The following SGCD variants were observed in gnomAD, a reference collection of about 807,000 sequenced individuals.
SGCD encodes the protein sarcoglycan delta.
A neutral mutation model predicts 36.6 loss-of-function variants in SGCD; 18 were observed. The ratio of observed to expected loss-of-function variants is 0.49; its 90% CI spans 0.34 to 0.73. The LOEUF (loss-of-function observed/expected upper bound fraction) is 0.73, where lower values mean the gene tolerates loss of function less well. Among genes scored for constraint, SGCD ranks in the 30% least tolerant of loss-of-function variants. SGCD has a pLI of 0.01. For synonymous variants in SGCD, 133 were observed against 130.6 expected (o/e 1.02, Z -0.12); for missense variants, 387 against 346.7 (o/e 1.12, Z -0.92).
chr5:156,231,947 T>A (rs369773171), intron 3 of SGCD, among the ~76,000 whole-genome samples: 28 of 152,334 alleles, frequency 1.8e-4, no homozygotes, highest in Middle Eastern at 6.8e-3. Context: ...ATGAGTCAAC[T>A]AAGACAGCTT....
the SGCD span, among the ~76,000 whole-genome samples, chr5:155,730,445 C>G: frequency 7.3e-6 from 1 of 137,196 alleles, no homozygotes; most frequent in African/African-American, 2.8e-5. Flanking sequence ...GGTAGAGCAG[C>G]TGTGTGTGTG....
intron 2 of SGCD, among the ~76,000 whole-genome samples, chr5:156,123,365 G>A (rs1004841107): frequency 6.6e-6 from 1 of 152,074 alleles, no homozygotes; most frequent in East Asian, 1.9e-4. Flanking sequence ...AATAGAGGTA[G>A]CCAAGATGGA....
the SGCD span, among the ~76,000 whole-genome samples, chr5:155,832,228 C>T: frequency 1.3e-5 from 2 of 152,208 alleles, no homozygotes; most frequent in East Asian, 1.9e-4. Context: ...TTATGAGTGG[C>T]GAGTGGCAGG....
intron 1 of SGCD, among the ~76,000 whole-genome samples, chr5:155,885,949 T>C (rs920887136): frequency 6.6e-6 from 1 of 152,200 alleles, no homozygotes; most frequent in Non-Finnish European, 1.5e-5. Flanking sequence ...CGTAAACTAG[T>C]AGGCACACTT....
At chr5:156,530,487 A>C (rs1333709629) in intron 4 of SGCD, among the ~76,000 whole-genome samples, 1 of 152,026 alleles carries the variant, frequency 6.6e-6, no homozygotes, top group East Asian at 1.9e-4. Context: ...CATTCTCAAT[A>C]GTTTTTTGTA....
chr5:156,142,795 A>G (rs753659281), intron 3 of SGCD, among the ~76,000 whole-genome samples: 1 of 152,222 alleles, frequency 6.6e-6, no homozygotes, highest in Non-Finnish European at 1.5e-5. Context: ...TGTATGAGCA[A>G]ATAAATGACC....
At chr5:156,621,356 C>A (rs1762239018) in intron 6 of SGCD, among the ~76,000 whole-genome samples, 1 of 152,112 alleles carries the variant, frequency 6.6e-6, no homozygotes. Flanking sequence ...CCATGCCCAG[C>A]TAATTTTTGT....
intron 1 of SGCD, among the ~76,000 whole-genome samples, chr5:155,936,846 T>C (rs1757214527): frequency 6.6e-6 from 1 of 152,084 alleles, no homozygotes; most frequent in Non-Finnish European, 1.5e-5. Flanking sequence ...CCCCACTCAC[T>C]CAGTCTCCCT....
chr5:156,625,787 C>A (rs1762417920), intron 6 of SGCD, among the ~76,000 whole-genome samples: 1 of 152,110 alleles, frequency 6.6e-6, no homozygotes, highest in Non-Finnish European at 1.5e-5. Context: ...GATTGTAAGC[C>A]CTGACATATG....
chr5:156,216,390 G>A (rs1438356959), intron 3 of SGCD, among the ~76,000 whole-genome samples: 3 of 152,268 alleles, frequency 2.0e-5, no homozygotes, highest in South Asian at 2.1e-4. Flanking sequence ...CCATTCCACG[G>A]TGTATACATA....
intron 4 of SGCD, among the ~76,000 whole-genome samples, chr5:156,515,720 A>T (rs1462238560): frequency 2.6e-5 from 4 of 152,238 alleles, no homozygotes; most frequent in Non-Finnish European, 5.9e-5. Flanking sequence ...GCAGACTCTC[A>T]GCAGCTGCTC....
intron 3 of SGCD, among the ~76,000 whole-genome samples, chr5:156,472,127 G>A (rs1754998898): frequency 6.6e-6 from 1 of 152,164 alleles, no homozygotes; most frequent in Non-Finnish European, 1.5e-5. Context: ...AGGATATGAA[G>A]TAACTGAAAC....
intron 3 of SGCD, among the ~76,000 whole-genome samples, chr5:156,431,388 T>G (rs1753004394): frequency 6.6e-6 from 1 of 152,160 alleles, no homozygotes; most frequent in Non-Finnish European, 1.5e-5. Flanking sequence ...TGTCTGTAGG[T>G]GCATCCATGC....
intron 4 of SGCD, among the ~76,000 whole-genome samples, chr5:156,585,042 G>C (rs1236149899): frequency 1.3e-5 from 2 of 152,142 alleles, no homozygotes; most frequent in Non-Finnish European, 2.9e-5. Flanking sequence ...AAATCATTGA[G>C]AGAAAACAGC....
chr5:155,856,877 C>T, the SGCD span, among the ~76,000 whole-genome samples: 1 of 152,220 alleles, frequency 6.6e-6, no homozygotes, highest in Non-Finnish European at 1.5e-5. Flanking sequence ...AGCAACATGA[C>T]TCTCATACAT....
chr5:155,871,696 G>A (rs542678605), intron 1 of SGCD, among the ~76,000 whole-genome samples: 2 of 152,192 alleles, frequency 1.3e-5, no homozygotes, highest in East Asian at 1.9e-4. Flanking sequence ...GAAATGTGAG[G>A]GAATTGAGCA....
intron 1 of SGCD, among the ~76,000 whole-genome samples, chr5:156,067,808 G>T (rs1435656779): frequency 5.0e-5 from 7 of 138,962 alleles, no homozygotes; most frequent in Admixed American, 4.8e-4. Flanking sequence ...CTCGCGCACG[G>T]TGCGCACACA....
At chr5:156,076,925 T>A (rs1760801558) in intron 1 of SGCD, among the ~76,000 whole-genome samples, 1 of 152,210 alleles carries the variant, frequency 6.6e-6, no homozygotes, top group South Asian at 2.1e-4. Flanking sequence ...TTCTTTGTTG[T>A]TCACCATGGC....
At chr5:155,788,824 A>G in the SGCD span, among the ~76,000 whole-genome samples, 1 of 152,174 alleles carries the variant, frequency 6.6e-6, no homozygotes, top group East Asian at 1.9e-4. Context: ...GTGAAATCAC[A>G]GGAAGGCCAG....
Sources: gnomAD v4.1 joint callset for allele counts (sites outside exome capture counted in the v4.1 genomes callset) on GRCh38, gnomAD v4.1.1 for gene constraint, MANE v1.5 for transcripts, NCBI Gene and HGNC (gene_info 2026-07-23, HGNC 2026-07-21) for gene names.